Variants in HS6ST3 observed in about 807,000 individuals in gnomAD.
The protein encoded by HS6ST3 is heparan sulfate 6-O-sulfotransferase 3, also known as heparan-sulfate 6-O-sulfotransferase 3.
A neutral mutation model predicts 36.7 loss-of-function variants in HS6ST3; 12 were observed. The ratio of observed to expected loss-of-function variants is 0.33; its 90% CI spans 0.21 to 0.53. The LOEUF is 0.53. Among genes scored for constraint, HS6ST3 ranks in the 20% least tolerant of loss-of-function variants. The probability of loss-of-function intolerance (pLI) is 0.95; values close to 1 mark genes in which losing one functional copy is unlikely to be tolerated. For missense variants in HS6ST3, 584 were observed against 640.9 expected, an observed-to-expected ratio of 0.91 and a Z score of 0.96; for synonymous variants, 240 against 257.5, an observed-to-expected ratio of 0.93 and a Z score of 0.65.
At chr13:96,272,038 A>C (rs1274332573) in intron 1 of HS6ST3, among the ~76,000 whole-genome samples, 1 of 152,064 alleles carries the variant, frequency 6.6e-6, no homozygotes, top group African/African-American at 2.4e-5. Context: ...TGAATGATTG[A>C]AGCCAAGGTA....
intron 1 of HS6ST3, among the ~76,000 whole-genome samples, chr13:96,397,368 T>C (rs527589651): frequency 6.6e-6 from 1 of 152,320 alleles, no homozygotes; most frequent in Admixed American, 6.5e-5. Context: ...TGAAGATATG[T>C]TTTTCCCTTT....
chr13:96,518,106 A>T (rs192690108), intron 1 of HS6ST3, among the ~76,000 whole-genome samples: 163 of 152,162 alleles, frequency 1.1e-3, no homozygotes, highest in African/African-American at 3.8e-3. Context: ...TGACACAGGA[A>T]TAGAAAGCCA....
At chr13:96,724,239 A>G (rs1875942054) in intron 1 of HS6ST3, among the ~76,000 whole-genome samples, 2 of 152,260 alleles carry the variant, frequency 1.3e-5, no homozygotes, top group South Asian at 4.1e-4. Context: ...AAAAACTTAA[A>G]AAATGCACTG....
intron 1 of HS6ST3, among the ~76,000 whole-genome samples, chr13:96,289,776 G>A (rs1353519096): frequency 3.9e-5 from 6 of 152,126 alleles, no homozygotes; most frequent in Admixed American, 2.0e-4. Context: ...AGCTTGAGAG[G>A]ATACTTTTGA....
chr13:96,732,953 A>G (rs1480664558), intron 1 of HS6ST3, among the ~76,000 whole-genome samples: 1 of 152,190 alleles, frequency 6.6e-6, no homozygotes, highest in Non-Finnish European at 1.5e-5. Context: ...CTGTTAGTGT[A>G]TAGAAATACT....
chr13:96,230,733 G>A (rs80239489), intron 1 of HS6ST3, among the ~76,000 whole-genome samples: 8,464 of 152,148 alleles, frequency 0.056, 432 homozygotes, highest in African/African-American at 0.14. Context: ...AATTGCTTTT[G>A]GGGGCCTCAA....
rs544064397 is a variant in HS6ST3, at chr13:96,743,327, G to C, written c.708-89163G>C. ...AAAACATTGAGGGGTCCAAATTTGT[G>C]CTAAAAGAATGTGAAGGATATTGAA... On this transcript the variant is annotated intron_variant, in intron 1 of 1. Coordinates refer to ENST00000376705, the MANE Select transcript of HS6ST3 (RefSeq NM_153456.4). 3.9e-4 allele frequency among the ~76,000 whole-genome samples: 60 copies of C among 152,180 alleles called. 1 individual carries two copies. Among genetic ancestry groups the C allele is most frequent in the African/African-American group, 1.3e-3 (55 of 41,554 alleles).
intron 1 of HS6ST3, among the ~76,000 whole-genome samples, chr13:96,429,097 A>G (rs73554566): frequency 0.014 from 2,079 of 152,336 alleles, 59 homozygotes; most frequent in African/African-American, 0.048. Flanking sequence ...AGCCAAAAGA[A>G]GAAATTGCTG....
At chr13:96,446,582 TG>T (rs1446325927) in intron 1 of HS6ST3, among the ~76,000 whole-genome samples, 1 of 152,202 alleles carries the variant, frequency 6.6e-6, no homozygotes, top group East Asian at 1.9e-4. Flanking sequence ...AACCTTGAAC[TG>T]GGTGTCGCTA....
intron 1 of HS6ST3, among the ~76,000 whole-genome samples, chr13:96,142,026 G>A (rs1346059997): frequency 9.5e-6 from 1 of 105,734 alleles, no homozygotes; most frequent in East Asian, 3.0e-4. Flanking sequence ...AGTGATTGTG[G>A]TCATGGCAAA....
chr13:96,228,786 A>G (rs971737221), intron 1 of HS6ST3, among the ~76,000 whole-genome samples: 1 of 152,208 alleles, frequency 6.6e-6, no homozygotes, highest in Non-Finnish European at 1.5e-5. Flanking sequence ...AGTCAGTCAC[A>G]TAAAAACGGA....
At chr13:96,230,650 G>T (rs974816476) in intron 1 of HS6ST3, among the ~76,000 whole-genome samples, 1 of 152,146 alleles carries the variant, frequency 6.6e-6, no homozygotes, top group Non-Finnish European at 1.5e-5. Context: ...CAGTATGGAA[G>T]CCAAGAGAGG....
At chr13:96,515,575 G>T (rs941157805) in intron 1 of HS6ST3, among the ~76,000 whole-genome samples, 3 of 152,108 alleles carry the variant, frequency 2.0e-5, no homozygotes, top group Non-Finnish European at 4.4e-5. Flanking sequence ...TGATATGGTT[G>T]GCTGTGGCCC....
At chr13:96,214,696 C>T (rs1405554896) in intron 1 of HS6ST3, among the ~76,000 whole-genome samples, 1 of 151,994 alleles carries the variant, frequency 6.6e-6, no homozygotes, top group Non-Finnish European at 1.5e-5. Flanking sequence ...CACATGTAAC[C>T]ATATCGTAAC....
At chr13:96,512,853 C>G (rs2056056069) in intron 1 of HS6ST3, among the ~76,000 whole-genome samples, 1 of 151,556 alleles carries the variant, frequency 6.6e-6, no homozygotes, top group Admixed American at 6.6e-5. Context: ...TTCTTCCTCT[C>G]TCTTTTCTGA....
intron 1 of HS6ST3, among the ~76,000 whole-genome samples, chr13:96,606,652 C>T (rs1246444163): frequency 6.8e-6 from 1 of 148,114 alleles, no homozygotes; most frequent in Non-Finnish European, 1.5e-5. Flanking sequence ...GAGGGACTGC[C>T]TATTGGGTGC....
chr13:96,471,467 C>T (rs2055839896), intron 1 of HS6ST3, among the ~76,000 whole-genome samples: 1 of 152,080 alleles, frequency 6.6e-6, no homozygotes, highest in South Asian at 2.1e-4. Context: ...GGGCTGCTCG[C>T]AGAATGGGGG....
chr13:96,612,059 G>A (rs183662801), intron 1 of HS6ST3, among the ~76,000 whole-genome samples: 28 of 152,294 alleles, frequency 1.8e-4, no homozygotes, highest in Admixed American at 1.7e-3. Flanking sequence ...CTCATATGGG[G>A]ATAAAAGAGA....
chr13:96,781,736 T>G (rs2138514364), intron 1 of HS6ST3, among the ~76,000 whole-genome samples: 1 of 152,364 alleles, frequency 6.6e-6, no homozygotes, highest in South Asian at 2.1e-4. Flanking sequence ...AAATAATCTC[T>G]TTCCCATTAT....
Sources: allele counts gnomAD v4.1 joint callset (sites outside exome capture counted in the v4.1 genomes callset), GRCh38; gene constraint gnomAD v4.1.1; transcripts MANE v1.5; gene names NCBI Gene and HGNC (gene_info 2026-07-23, HGNC 2026-07-21).